The following BTBD9 variants were observed in gnomAD, a reference collection of about 807,000 sequenced individuals.
BTBD9 encodes the protein BTB domain containing 9, also known as BTB/POZ domain-containing protein 9.
A neutral mutation model predicts 64.3 loss-of-function variants in BTBD9; 49 were observed. That is an observed-to-expected ratio of 0.76 (90% CI 0.61 to 0.97). The LOEUF is 0.97. Among genes scored for constraint, BTBD9 ranks in the 50% least tolerant of loss-of-function variants. The pLI is 0.00. For synonymous variants in BTBD9, 260 were observed against 274.7 expected, an observed-to-expected ratio of 0.95 and a Z score of 0.53; for missense variants, 598 against 762.1, an observed-to-expected ratio of 0.78 and a Z score of 2.53.
chr6:38,594,389 G>A (rs1776950690), intron 2 of BTBD9, 62 bp from the exon 3 acceptor site: 1 of 1,497,314 alleles, frequency 6.7e-7, no homozygotes, highest in Non-Finnish European at 8.9e-7. Flanking sequence ...CAAAATATTG[G>A]AAATAACAGT....
chr6:38,298,361 T>G (rs1038904637), intron 7 of BTBD9, among the ~76,000 whole-genome samples: 6 of 152,142 alleles, frequency 3.9e-5, no homozygotes, highest in Non-Finnish European at 8.8e-5. Flanking sequence ...TTAACACATT[T>G]TTGCAATTAA....
At chr6:38,314,051 T>A (rs1007276962) in intron 7 of BTBD9, among the ~76,000 whole-genome samples, 5 of 151,922 alleles carry the variant, frequency 3.3e-5, no homozygotes, top group African/African-American at 1.2e-4. Context: ...AATGAACTTT[T>A]AATGTGATGT....
At chr6:38,224,582 G>A (rs1431334292) in intron 9 of BTBD9, among the ~76,000 whole-genome samples, 1 of 152,124 alleles carries the variant, frequency 6.6e-6, no homozygotes, top group Non-Finnish European at 1.5e-5. Flanking sequence ...TCAACTGAAA[G>A]GTCTGAACAA....
At chr6:38,446,596 C>G (rs1769288718) in intron 6 of BTBD9, among the ~76,000 whole-genome samples, 1 of 152,146 alleles carries the variant, frequency 6.6e-6, no homozygotes, top group Non-Finnish European at 1.5e-5. Flanking sequence ...TGGAACGACC[C>G]TAGTCACACT....
chr6:38,228,743 A>G (rs1582083176), intron 9 of BTBD9, among the ~76,000 whole-genome samples: 1 of 151,464 alleles, frequency 6.6e-6, no homozygotes, highest in South Asian at 2.1e-4. Context: ...GCGTGGTGGC[A>G]TGCGCCTGTA....
chr6:38,358,456 G>A (rs764334779), intron 6 of BTBD9, among the ~76,000 whole-genome samples: 97 of 152,328 alleles, frequency 6.4e-4, no homozygotes, highest in Non-Finnish European at 1.2e-3. Flanking sequence ...GTAGGAGAAA[G>A]TACATACTGT....
chr6:38,303,860 T>C (rs1433362631), intron 7 of BTBD9, among the ~76,000 whole-genome samples: 1 of 124,918 alleles, frequency 8.0e-6, no homozygotes, highest in Admixed American at 8.1e-5. Flanking sequence ...TATATATATA[T>C]ATATATATAT....
intron 9 of BTBD9, among the ~76,000 whole-genome samples, chr6:38,229,782 T>C (rs145712656): frequency 1.1e-4 from 16 of 152,354 alleles, no homozygotes; most frequent in Non-Finnish European, 1.5e-4. Flanking sequence ...TTTATCCCCA[T>C]TAAATTCCAT....
At chr6:38,257,807 T>C (rs1335153710) in intron 8 of BTBD9, among the ~76,000 whole-genome samples, 1 of 152,090 alleles carries the variant, frequency 6.6e-6, no homozygotes. Context: ...AGTGGTTAGT[T>C]CTGGGGGAGG....
chr6:38,507,828 ATTTT>A (rs34808509), intron 6 of BTBD9, among the ~76,000 whole-genome samples: 2 of 125,416 alleles, frequency 1.6e-5, no homozygotes, highest in Non-Finnish European at 3.3e-5. Flanking sequence ...TGTCTCCCAA[ATTTT>A]TTTTTTTTTT....
chr6:38,364,192 T>C (rs1562081264), intron 6 of BTBD9, among the ~76,000 whole-genome samples: 1 of 152,096 alleles, frequency 6.6e-6, no homozygotes, highest in Non-Finnish European at 1.5e-5. Context: ...GTGTTTAAAT[T>C]TGGGGATCAT....
chr6:38,367,546 A>G (rs1032669131), intron 6 of BTBD9, among the ~76,000 whole-genome samples: 2 of 152,128 alleles, frequency 1.3e-5, no homozygotes, highest in African/African-American at 4.8e-5. Flanking sequence ...GTTTGCAGTG[A>G]GGGCTCAATA....
intron 8 of BTBD9, 137 bp from the exon 9 acceptor site, chr6:38,256,653 A>C: frequency 3.3e-6 from 2 of 602,068 alleles, no homozygotes; most frequent in Non-Finnish European, 5.9e-6. Flanking sequence ...AATCCCAAAA[A>C]AGTATGAAGA....
At chr6:38,307,561 G>T (rs548794148) in intron 7 of BTBD9, among the ~76,000 whole-genome samples, 1 of 152,322 alleles carries the variant, frequency 6.6e-6, no homozygotes, top group South Asian at 2.1e-4. Flanking sequence ...CCCATGGGTG[G>T]AAAACAGGCT....
chr6:38,426,400 C>T lies in BTBD9; in HGVS notation c.1155-81307G>A, dbSNP rs529777314. On this transcript the variant is annotated intron_variant, in intron 6 of 10. Transcript: ENST00000481247. ...AGGCATTCGAGCGGGCAACGGCAAC[C>T]CCCTTTGGGTCCCCTCCCCTTGAAT... Among the ~76,000 whole-genome samples the T allele has an allele frequency of 1.6e-4, 24 of 152,094 alleles. No individual in the cohort carries two copies. In the East Asian group the frequency reaches 4.0e-3, roughly 26 times the overall value.
intron 6 of BTBD9, among the ~76,000 whole-genome samples, chr6:38,445,529 T>C (rs1451679313): frequency 6.6e-6 from 1 of 152,232 alleles, no homozygotes; most frequent in Non-Finnish European, 1.5e-5. Flanking sequence ...AGTCAGACTG[T>C]CTAGTATTAT....
intron 9 of BTBD9, among the ~76,000 whole-genome samples, chr6:38,222,426 A>C (rs935468470): frequency 7.9e-5 from 12 of 151,658 alleles, no homozygotes; most frequent in Admixed American, 2.6e-4. Flanking sequence ...ATGCCCATCT[A>C]ATTTTTGTAT....
chr6:38,635,811 A>T (rs183623457), intron 1 of BTBD9, among the ~76,000 whole-genome samples: 1 of 152,216 alleles, frequency 6.6e-6, no homozygotes, highest in Non-Finnish European at 1.5e-5. Flanking sequence ...AATTAAACTT[A>T]GATCAGTTCT....
chr6:38,267,564 C>T (rs1187292356), intron 8 of BTBD9, among the ~76,000 whole-genome samples: 3 of 152,222 alleles, frequency 2.0e-5, no homozygotes, highest in African/African-American at 7.2e-5. Context: ...CATGCTTCTA[C>T]AGTGCAGGGA....
Sources: gnomAD v4.1 joint callset for allele counts (sites outside exome capture counted in the v4.1 genomes callset) on GRCh38, gnomAD v4.1.1 for gene constraint, MANE v1.5 for transcripts, NCBI Gene and HGNC (gene_info 2026-07-23, HGNC 2026-07-21) for gene names.